Variants in TMEM132D observed in about 807,000 individuals in gnomAD.
TMEM132D encodes the protein mature OL transmembrane protein.
TMEM132D carries 21 observed loss-of-function variants against 62.3 expected under a neutral mutation model. The ratio of observed to expected loss-of-function variants is 0.34; its 90% CI spans 0.24 to 0.49. The LOEUF (loss-of-function observed/expected upper bound fraction) is 0.49. Ranked by LOEUF, TMEM132D falls within the 20% of genes least tolerant of loss-of-function variation. The pLI is 0.99. For missense variants in TMEM132D, 1,346 were observed against 1,402.8 expected (o/e 0.96, Z 0.65); for synonymous variants, 621 against 575.6 (o/e 1.08, Z -1.13).
chr12:129,699,656 G>T (rs1481702326), intron 2 of TMEM132D, among the ~76,000 whole-genome samples, 154 bp downstream of exon 2: 2 of 152,186 alleles, frequency 1.3e-5, no homozygotes, highest in Non-Finnish European at 2.9e-5. Context: ...GATCAGACTG[G>T]TCTCTGTATT....
At chr12:129,711,129 A>C (rs759383350) in intron 1 of TMEM132D, among the ~76,000 whole-genome samples, 4 of 152,180 alleles carry the variant, frequency 2.6e-5, no homozygotes, top group Non-Finnish European at 5.9e-5. Context: ...CCAAAACTTG[A>C]AATGTAACGC....
At position 129,615,810 on chromosome 12, in the gene TMEM132D, T is replaced by C. The variant is rs1004863969; in HGVS notation, c.968+84000A>G. ...CAAAACAAAACAAAATAAAATAAAATAAAATAAAATAAAATAAAATAAAAT... is the reference window on the plus strand; with the variant it reads ...CAAAACAAAACAAAATAAAATAAAACAAAATAAAATAAAATAAAATAAAAT... On this transcript the variant is annotated intron_variant, in intron 2 of 8. Coordinates refer to ENST00000422113, the MANE Select transcript of TMEM132D (RefSeq NM_133448.3). 1.7e-3 allele frequency among the ~76,000 whole-genome samples: 250 copies of C among 143,742 alleles called. 1 individual carries two copies. Among genetic ancestry groups the C allele is most frequent in the South Asian group, 3.6e-3 (17 of 4,660 alleles). 94.3% of individuals were successfully genotyped at this position (143,742 alleles called of 152,430 possible). A position where few individuals can be genotyped will look rare whatever the true frequency, so the allele number is the denominator to read the frequency against.
intron 3 of TMEM132D, among the ~76,000 whole-genome samples, chr12:129,524,925 T>TC (rs1364101176): frequency 5.1e-5 from 5 of 98,746 alleles, no homozygotes; most frequent in African/African-American, 1.3e-4. Context: ...TTTTTCTTTT[T>TC]TCTTTTTTTT....
chr12:129,412,886 G>A (rs10744416), intron 3 of TMEM132D, among the ~76,000 whole-genome samples: 17,199 of 152,026 alleles, frequency 0.11, 1,524 homozygotes, highest in East Asian at 0.44. Flanking sequence ...GAGGAAGAAA[G>A]CCACACTTTT....
chr12:129,362,153 A>ATGTGTCATTTCTAAAGG (rs1480288735), intron 3 of TMEM132D, among the ~76,000 whole-genome samples: 1 of 152,198 alleles, frequency 6.6e-6, no homozygotes, highest in Non-Finnish European at 1.5e-5. Flanking sequence ...ATTTCTAAAG[A>ATGTGTCATTTCTAAAGG]TAAGTCATTT....
intron 4 of TMEM132D, among the ~76,000 whole-genome samples, chr12:129,314,143 C>G (rs953655079): frequency 2.0e-5 from 3 of 151,742 alleles, no homozygotes; most frequent in African/African-American, 7.3e-5. Flanking sequence ...GTTTTCTCCC[C>G]TCTGTGGTAT....
intron 1 of TMEM132D, among the ~76,000 whole-genome samples, chr12:129,843,032 T>C (rs538886733): frequency 2.0e-5 from 3 of 152,304 alleles, no homozygotes; most frequent in South Asian, 2.1e-4. Flanking sequence ...GTTCCAGATA[T>C]GGCAAAAAAC....
At chr12:129,606,951 C>T (rs11060461) in intron 2 of TMEM132D, among the ~76,000 whole-genome samples, 6 of 152,132 alleles carry the variant, frequency 3.9e-5, no homozygotes, top group South Asian at 2.1e-4. Flanking sequence ...GGATTTCCAA[C>T]GAACATTTAT....
chr12:129,167,524 C>T (rs1016904914), intron 5 of TMEM132D, among the ~76,000 whole-genome samples: 2 of 151,998 alleles, frequency 1.3e-5, no homozygotes, highest in African/African-American at 2.4e-5. Context: ...GAGTCAGGGG[C>T]CTCTGCAGGA....
In TMEM132D at chr12:129,249,853, G is replaced by A. The variant is rs539401967; in HGVS notation, c.1300-40190C>T. 2.8e-3 allele frequency among the ~76,000 whole-genome samples: 423 copies of A among 152,298 alleles called. 1 individual carries two copies. Among genetic ancestry groups the A allele is most frequent in the Non-Finnish European group, 3.9e-3 (264 of 68,038 alleles). On this transcript the variant is annotated intron_variant, in intron 4 of 8. Transcript: ENST00000422113. ...CAGTGGAAGCAGACGGCACACTCAG[G>A]ATAATTTGAAGCAAGTTTAACAAGA...
chr12:129,243,261 G>A lies in TMEM132D; in HGVS notation c.1300-33598C>T, dbSNP rs541490458. 7.2e-5 allele frequency among the ~76,000 whole-genome samples: 11 copies of A among 152,180 alleles called. No homozygotes were observed. In the South Asian group the frequency reaches 8.3e-4, roughly 11 times the overall value. ...ATTTGTAGTGACTGAAAGCACTTTC[G>A]TTTCATTATTCATTGTAGTATTTCT... On this transcript the variant is annotated intron_variant, in intron 4 of 8. Transcript: ENST00000422113.
intron 4 of TMEM132D, among the ~76,000 whole-genome samples, chr12:129,246,297 T>C (rs927389951): frequency 6.6e-6 from 1 of 151,980 alleles, no homozygotes; most frequent in Non-Finnish European, 1.5e-5. Context: ...GGGAGGAGTG[T>C]CCACGAGAAG....
chr12:129,338,623 G>A (rs1869367674), intron 3 of TMEM132D, among the ~76,000 whole-genome samples: 1 of 152,192 alleles, frequency 6.6e-6, no homozygotes, highest in Non-Finnish European at 1.5e-5. Context: ...TGACCAGGGT[G>A]TAGCTGAGAA....
chr12:129,714,540 C>T (rs1868492641), intron 1 of TMEM132D, among the ~76,000 whole-genome samples: 1 of 152,092 alleles, frequency 6.6e-6, no homozygotes, highest in African/African-American at 2.4e-5. Flanking sequence ...TCCTGGACCG[C>T]TAATGTACAG....
intron 1 of TMEM132D, among the ~76,000 whole-genome samples, chr12:129,835,043 C>A (rs1424615153): frequency 2.6e-5 from 4 of 152,150 alleles, no homozygotes; most frequent in Non-Finnish European, 5.9e-5. Context: ...CAGCCGTATG[C>A]ACTAGGACAC....
intron 2 of TMEM132D, among the ~76,000 whole-genome samples, chr12:129,668,866 T>C (rs1019328279): frequency 6.6e-5 from 10 of 152,220 alleles, no homozygotes; most frequent in African/African-American, 2.4e-4. Flanking sequence ...AGTTGACTTA[T>C]AGAGCCAATT....
chr12:129,295,774 A>C (rs948839930), intron 4 of TMEM132D, among the ~76,000 whole-genome samples: 2 of 152,170 alleles, frequency 1.3e-5, no homozygotes, highest in Admixed American at 6.5e-5. Flanking sequence ...ACCTTTGTAC[A>C]TCTGATTATA....
intron 2 of TMEM132D, among the ~76,000 whole-genome samples, chr12:129,690,553 CCAGA>C (rs1424622081): frequency 6.6e-6 from 1 of 152,018 alleles, no homozygotes; most frequent in African/African-American, 2.4e-5. Flanking sequence ...TACATAAATT[CCAGA>C]CAAAGCAGAT....
At chr12:129,542,373 T>G (rs568755510) in intron 2 of TMEM132D, among the ~76,000 whole-genome samples, 1 of 152,366 alleles carries the variant, frequency 6.6e-6, no homozygotes, top group Non-Finnish European at 1.5e-5. Flanking sequence ...AATATACTTA[T>G]TTAATTAAAG....
Sources: allele counts gnomAD v4.1 joint callset (sites outside exome capture counted in the v4.1 genomes callset), GRCh38; gene constraint gnomAD v4.1.1; transcripts MANE v1.5; gene names NCBI Gene and HGNC (gene_info 2026-07-23, HGNC 2026-07-21).